Variants in ITPRIP observed in about 807,000 individuals in gnomAD.
ITPRIP encodes inositol 1,4,5-trisphosphate receptor-interacting protein.
ITPRIP carries 32 observed loss-of-function variants against 35.8 expected under a neutral mutation model. The observed-to-expected ratio is 0.89, with a 90% CI of 0.68 to 1.20. The LOEUF (loss-of-function observed/expected upper bound fraction) is 1.20. Ranked by LOEUF, ITPRIP falls within the 50% of genes most tolerant of loss-of-function variation. The pLI is 0.00. For synonymous variants in ITPRIP, 358 were observed against 324.0 expected (o/e 1.11, Z -1.13); for missense variants, 653 against 735.6 (o/e 0.89, Z 1.30).
chr10:104,314,519 G>C lies in ITPRIP; in HGVS notation c.1533C>G (p.Ser511Arg), dbSNP rs759168701. ...AGGAGTCCAGTGTCTTACGGTAAAG[G>C]CTTCGCTGCAGGACGAAGGGCCGGA... ...NLFRPFVLQRSLYRKTLDSFY... is the reference protein window; with the variant it reads ...NLFRPFVLQRRLYRKTLDSFY... Residue 511 changes from serine (S) to arginine (R), a missense_variant, in exon 2 of 2, where the codon AGC (serine) becomes AGG (arginine). By Grantham distance (110) the Ser-to-Arg change is moderately radical (BLOSUM62 -1). Transcript: ENST00000337478. The C allele has an allele frequency of 4.3e-6, 7 of 1,614,196 alleles. No individual in the cohort carries two copies. The highest frequency in any genetic ancestry group is 2.2e-5 in the East Asian group (1 of 44,884).
At chr10:104,334,912 G>C (rs1318517077) in intron 1 of ITPRIP, among the ~76,000 whole-genome samples, 1 of 152,252 alleles carries the variant, frequency 6.6e-6, no homozygotes, top group African/African-American at 2.4e-5. Context: ...AAGTCTCCTT[G>C]CAAATTAATA....
In ITPRIP at chr10:104,326,368, C is replaced by T. The variant is rs1345108089; in HGVS notation, c.-13-10304G>A. On this transcript the variant is annotated intron_variant, in intron 1 of 1. Transcript: ENST00000337478. The surrounding 1 kb of genome is among the most constrained non-coding windows in gnomAD (Gnocchi z 4.8). ...AGAAGGCAGGGAAGCCATCCTCTCC[C>T]AGGAAGGACAGAGTGTCCCTCCGTC... 1 of 152,234 alleles carries T rather than the reference C, an allele frequency of 6.6e-6. No homozygotes were observed. The highest frequency in any genetic ancestry group is 1.5e-5 in the Non-Finnish European group (1 of 68,058). The allele number at this position is 152,234 out of a possible 1,614,324, so 9.4% of individuals were successfully genotyped here.
intron 1 of ITPRIP, among the ~76,000 whole-genome samples, chr10:104,319,165 G>A (rs555533297): frequency 1.3e-5 from 2 of 152,370 alleles, no homozygotes; most frequent in South Asian, 4.1e-4. Context: ...TGGGTGGATC[G>A]CACAGCTTCT....
chr10:104,316,238 C>T (rs1474992055), intron 1 of ITPRIP, among the ~76,000 whole-genome samples, 174 bp from the exon 2 acceptor site: 1 of 152,146 alleles, frequency 6.6e-6, no homozygotes, highest in Non-Finnish European at 1.5e-5. Context: ...TGGAAGAGCC[C>T]CAAAGGCCTA....
chr10:104,316,750 C>T (rs115072077), intron 1 of ITPRIP, among the ~76,000 whole-genome samples: 184 of 152,320 alleles, frequency 1.2e-3, no homozygotes, highest in African/African-American at 4.3e-3. Context: ...GGCCTTTCCA[C>T]CACTTGAAAT....
Position 104,313,483 on chromosome 10 carries a change from G to A in ITPRIP, c.*925C>T. On this transcript the variant is annotated 3_prime_UTR_variant, in exon 2 of 2. Coordinates refer to ENST00000337478, the MANE Select transcript of ITPRIP (RefSeq NM_001272013.2). The stretch of plus-strand genomic sequence containing the variant: ...AAGTGATAGAGTTTCTTTTCCAGCT[G>A]TCCTTTGCCACAGTCACCCCGTGTG... 1.0e-6 allele frequency: 1 copy of A among 985,678 alleles called. No homozygotes were observed. Among genetic ancestry groups the A allele is most frequent in the Non-Finnish European group, 1.2e-6 (1 of 830,122 alleles). 61.1% of individuals were successfully genotyped at this position (985,678 alleles called of 1,614,324 possible).
Position 104,314,160 on chromosome 10 carries a change from C to T in ITPRIP, c.*248G>A. Reference sequence around the variant, plus strand: ...CCATTCATGGTGATCCAGAAGTAAACTGCAAGGGATCAGTCCCTAAACCCA... The same window carrying T: ...CCATTCATGGTGATCCAGAAGTAAATTGCAAGGGATCAGTCCCTAAACCCA... On this transcript the variant is annotated 3_prime_UTR_variant, in exon 2 of 2. Coordinates refer to ENST00000337478, the MANE Select transcript of ITPRIP (RefSeq NM_001272013.2). The T allele has an allele frequency of 7.8e-7, 1 of 1,287,964 alleles. No homozygotes were observed. The highest frequency in any genetic ancestry group is 9.8e-7 in the Non-Finnish European group (1 of 1,017,040). The allele number at this position is 1,287,964 out of a possible 1,614,324, so 79.8% of individuals were successfully genotyped here.
chr10:104,331,268 C>T (rs1440364466), intron 1 of ITPRIP, among the ~76,000 whole-genome samples: 1 of 152,210 alleles, frequency 6.6e-6, no homozygotes, highest in Non-Finnish European at 1.5e-5. Context: ...ACCCTCCAGC[C>T]CAGGCATGCT....
In ITPRIP at chr10:104,314,608, G is replaced by C. The variant is rs201488821; in HGVS notation, c.1444C>G (p.Arg482Gly). 2.5e-6 allele frequency: 4 copies of C among 1,614,038 alleles called. No homozygotes were observed. Among genetic ancestry groups the C allele is most frequent in the Non-Finnish European group, 3.4e-6 (4 of 1,180,018 alleles). ...AGTCCCATGGCCTCAGGCACCTTGC[G>C]GTTGCCGATGAAGAAGTGGTGGAGC... is the stretch of plus-strand genomic sequence containing the variant. ...KKLHHFFIGN[R>G]KVPEAMGLPE... Residue 482 changes from arginine to glycine, a missense_variant, in exon 2 of 2, where the codon CGC becomes GGC. Physicochemically the swap from Arg to Gly is moderately radical, Grantham distance 125. Coordinates refer to ENST00000337478, the MANE Select transcript of ITPRIP (RefSeq NM_001272013.2).
rs2014085506 is a variant in ITPRIP, at chr10:104,328,777, G to C, written c.-14+9469C>G. 1 of 152,186 alleles carries C rather than the reference G, an allele frequency of 6.6e-6. No homozygotes were observed. Among genetic ancestry groups the C allele is most frequent in the Non-Finnish European group, 1.5e-5 (1 of 68,122 alleles). 9.4% of individuals were successfully genotyped at this position (152,186 alleles called of 1,614,324 possible). A position where few individuals can be genotyped will look rare whatever the true frequency, so the allele number is the denominator to read the frequency against. Reference sequence around the variant, plus strand: ...GAAAGACACTCTGCCTCTAGGAGATGGGGGAGGATGAACCCCCCAAGGCCT... The same window carrying C: ...GAAAGACACTCTGCCTCTAGGAGATCGGGGAGGATGAACCCCCCAAGGCCT... On this transcript the variant is annotated intron_variant, in intron 1 of 1. Transcript: ENST00000337478. This position sits in a 1 kb window ranked among gnomAD's most constrained non-coding sequence, Gnocchi z 4.1.
rs1184796578 is a variant in ITPRIP, at chr10:104,312,090, A to G, written c.*2318T>C. On this transcript the variant is annotated 3_prime_UTR_variant, in exon 2 of 2. Transcript: ENST00000337478. The stretch of plus-strand genomic sequence containing the variant: ...CCCCTGTCCCCAACTCTGCCCTGGG[A>G]GCCTCACAGATTTCCTGAAGTTAAA... The G allele has an allele frequency of 2.6e-5, 4 of 152,184 alleles. No homozygotes were observed. The highest frequency in any genetic ancestry group is 5.9e-5 in the Non-Finnish European group (4 of 68,028). The allele number at this position is 152,184 out of a possible 1,614,324, so 9.4% of individuals were successfully genotyped here. A position where few individuals can be genotyped will look rare whatever the true frequency, so the allele number is the denominator to read the frequency against.
Position 104,315,070 on chromosome 10 carries a change from G to C in ITPRIP, c.982C>G (p.Leu328Val), listed in dbSNP as rs2013613197. The C allele has an allele frequency of 6.2e-7, 1 of 1,614,058 alleles. No homozygotes were observed. Among genetic ancestry groups the C allele is most frequent in the Non-Finnish European group, 8.5e-7 (1 of 1,180,044 alleles). ...KYEFDLAFGQLDSPGSLKIKF... is the reference protein window; with the variant it reads ...KYEFDLAFGQVDSPGSLKIKF... Reference sequence around the variant, plus strand: ...ATCTTCAGGGACCCCGGGCTGTCCAGCTGGCCAAAGGCCAGGTCGAACTCG... The same window carrying C: ...ATCTTCAGGGACCCCGGGCTGTCCACCTGGCCAAAGGCCAGGTCGAACTCG... Residue 328 changes from leucine to valine, a missense_variant, in exon 2 of 2, where the codon CTG becomes GTG. By Grantham distance (32) the Leu-to-Val change is conservative. Coordinates refer to ENST00000337478, the MANE Select transcript of ITPRIP (RefSeq NM_001272013.2). The surrounding 1 kb of genome is among the most constrained non-coding windows in gnomAD (Gnocchi z 5.7).
Position 104,314,470 on chromosome 10 carries a change from G to A in ITPRIP, c.1582C>T (p.Pro528Ser). 6.2e-7 allele frequency: 1 copy of A among 1,614,118 alleles called. No individual in the cohort carries two copies. The highest frequency in any genetic ancestry group is 8.5e-7 in the Non-Finnish European group (1 of 1,180,034). ...AGGGAATACTCGCTAATGAGCGCTG[G>A]GGCATTCTTGAGCATCTCATAGAAG... The part of the protein sequence containing the change: ...DSFYEMLKNA[P>S]ALISEYSLHV... Residue 528 changes from proline to serine, a missense_variant, in exon 2 of 2, where the codon CCA becomes TCA. Transcript: ENST00000337478.
rs1171989142 is a variant in ITPRIP, at chr10:104,313,452, A to G, written c.*956T>C. On this transcript the variant is annotated 3_prime_UTR_variant, in exon 2 of 2. Coordinates refer to ENST00000337478, the MANE Select transcript of ITPRIP (RefSeq NM_001272013.2). ...GGCCTCAGGTGCCTTGTGGTTGCCA[A>G]TGAAGAAGTGATAGAGTTTCTTTTC... 2 of 985,788 alleles carry G rather than the reference A, an allele frequency of 2.0e-6. No individual in the cohort carries two copies. Among genetic ancestry groups the G allele is most frequent in the Non-Finnish European group, 2.4e-6 (2 of 830,104 alleles). The allele number at this position is 985,788 out of a possible 1,614,324, so 61.1% of individuals were successfully genotyped here.
chr10:104,316,070 A>G lies in ITPRIP; in HGVS notation c.-13-6T>C. On this transcript the variant is annotated splice_polypyrimidine_tract_variant and splice_region_variant and intron_variant, in intron 1 of 1. Coordinates refer to ENST00000337478, the MANE Select transcript of ITPRIP (RefSeq NM_001272013.2). ...TGGCCATGGTTGGAGCTTTCCTGGG[A>G]ACAGAGAGACAGATGGTCACACCAA... 1 of 1,544,532 alleles carries G rather than the reference A, an allele frequency of 6.5e-7. No homozygotes were observed. Among genetic ancestry groups the G allele is most frequent in the South Asian group, 1.2e-5 (1 of 81,152 alleles).
intron 1 of ITPRIP, chr10:104,323,322 T>C (rs1013424850): frequency 6.6e-6 from 1 of 152,252 alleles, no homozygotes; most frequent in Non-Finnish European, 1.5e-5. Flanking sequence ...ATTTAGGTAG[T>C]TGCATTAAAA....
intron 1 of ITPRIP, among the ~76,000 whole-genome samples, chr10:104,319,490 G>A (rs936260308): frequency 3.5e-4 from 53 of 152,202 alleles, no homozygotes; most frequent in African/African-American, 1.3e-3. Context: ...GAAGGCTTCA[G>A]AGCCTGGGAT....
chr10:104,313,336 C>G lies in ITPRIP; in HGVS notation c.*1072G>C. 2 of 986,342 alleles carry G rather than the reference C, an allele frequency of 2.0e-6. No homozygotes were observed. The highest frequency in any genetic ancestry group is 2.4e-6 in the Non-Finnish European group (2 of 830,500). The allele number at this position is 986,342 out of a possible 1,614,324, so 61.1% of individuals were successfully genotyped here. On this transcript the variant is annotated 3_prime_UTR_variant, in exon 2 of 2. Transcript: ENST00000337478. ...TTTTTGAGCACCTCATCGAAGGAGT[C>G]TACTGTCTTACAGCAGAGACTTCGC...
In ITPRIP at chr10:104,314,700, G is replaced by C; in HGVS notation, c.1352C>G (p.Ala451Gly). 1 of 1,613,750 alleles carries C rather than the reference G, an allele frequency of 6.2e-7. No individual in the cohort carries two copies. The highest frequency in any genetic ancestry group is 1.1e-5 in the South Asian group (1 of 91,090). ...GTGCAGACGAGCGTCCAGCTGCCCC[G>C]CCTTCCAGTCGGCGGCCTGCCGGAG... Reference protein sequence around the residue: ...LLLRQAADWKAGQLDARLHEL... With the variant: ...LLLRQAADWKGGQLDARLHEL... The change falls in exon 2 of 2, where the codon GCG (alanine) becomes GGG (glycine). Residue 451 changes from alanine to glycine, a missense_variant. Coordinates refer to ENST00000337478, the MANE Select transcript of ITPRIP (RefSeq NM_001272013.2).
Sources: gnomAD v4.1 joint callset for allele counts (sites outside exome capture counted in the v4.1 genomes callset) on GRCh38, gnomAD v4.1.1 for gene constraint, Gnocchi (gnomAD v3.1) non-coding constraint, MANE v1.5 for transcripts, NCBI Gene and HGNC (gene_info 2026-07-23, HGNC 2026-07-21) for gene names.